The following TRAPPC13 variants were observed in gnomAD, a reference collection of about 807,000 sequenced individuals.
TRAPPC13 encodes the protein REV7-interacting novel NHEJ regulator 1.
TRAPPC13 carries 39 observed loss-of-function variants against 54.0 expected under a neutral mutation model. The ratio of observed to expected loss-of-function variants is 0.72; its 90% CI spans 0.56 to 0.94. The LOEUF (loss-of-function observed/expected upper bound fraction) is 0.94, where lower values mean the gene tolerates loss of function less well. Ranked by LOEUF, TRAPPC13 falls within the 40% of genes least tolerant of loss-of-function variation. The pLI is 0.00. For missense variants in TRAPPC13, 386 were observed against 488.1 expected (o/e 0.79, Z 1.97); for synonymous variants, 148 against 167.7 (o/e 0.88, Z 0.91).
rs1756998433 is a variant in TRAPPC13, at chr5:65,665,216, AT to A, written c.*608del. 6.6e-6 allele frequency: 1 copy of A among 152,308 alleles called. No individual in the cohort carries two copies. Among genetic ancestry groups the A allele is most frequent in the Non-Finnish European group, 1.5e-5 (1 of 68,144 alleles). The allele number at this position is 152,308 out of a possible 1,614,324, so 9.4% of individuals were successfully genotyped here. A position where few individuals can be genotyped will look rare whatever the true frequency, so the allele number is the denominator to read the frequency against. On this transcript the variant is annotated 3_prime_UTR_variant, in exon 13 of 13. Coordinates refer to ENST00000399438, the MANE Select transcript of TRAPPC13 (RefSeq NM_024941.4). ...CAAAAAAAAAGAGGCAGCTGGGCAG[AT>A]TTGGCCTGCAGGGTATAGTTGGCTG... is the stretch of plus-strand genomic sequence containing the variant.
At chr5:65,654,187 A>T (rs760059229) in intron 7 of TRAPPC13, among the ~76,000 whole-genome samples, 1 of 152,144 alleles carries the variant, frequency 6.6e-6, no homozygotes, top group Non-Finnish European at 1.5e-5. Context: ...TAGTTTTTCT[A>T]TAAACATTAT....
intron 1 of TRAPPC13, among the ~76,000 whole-genome samples, chr5:65,631,377 C>T (rs963021597): frequency 1.3e-5 from 2 of 151,824 alleles, no homozygotes; most frequent in African/African-American, 4.8e-5. Flanking sequence ...TTTTTTCTTT[C>T]TAACTTTTAT....
chr5:65,660,694 C>T lies in TRAPPC13; in HGVS notation c.699-5C>T. The T allele has an allele frequency of 6.3e-7, 1 of 1,586,776 alleles. No individual in the cohort carries two copies. Among genetic ancestry groups the T allele is most frequent in the Non-Finnish European group, 8.6e-7 (1 of 1,167,710 alleles). ...TTTCTCCGTCTCTGTCTCCACCCCTCTCAGTGTGTCTACGTTTGGGTCAAG... is the reference window on the plus strand; with the variant it reads ...TTTCTCCGTCTCTGTCTCCACCCCTTTCAGTGTGTCTACGTTTGGGTCAAG... On this transcript the variant is annotated splice_polypyrimidine_tract_variant and splice_region_variant and intron_variant, in intron 9 of 12. Transcript: ENST00000399438.
At chr5:65,653,588 C>A (rs1561774589) in intron 7 of TRAPPC13, among the ~76,000 whole-genome samples, 1 of 152,080 alleles carries the variant, frequency 6.6e-6, no homozygotes, top group Non-Finnish European at 1.5e-5. Context: ...GCTGCAAGAG[C>A]TCTCGGGAAT....
In TRAPPC13 at chr5:65,664,770, GATTTT is replaced by G. The variant is rs1432992734; in HGVS notation, c.*162_*166del. The G allele has an allele frequency of 3.2e-6, 2 of 616,308 alleles. No homozygotes were observed. Among genetic ancestry groups the G allele is most frequent in the Non-Finnish European group, 5.7e-6 (2 of 351,888 alleles). The allele number at this position is 616,308 out of a possible 1,614,324, so 38.2% of individuals were successfully genotyped here. ...TTAAATATTTGTTTTGAAGAGATCT[GATTTT>G]ATCTTGTAATTTATATTTGAAATGA... On this transcript the variant is annotated 3_prime_UTR_variant, in exon 13 of 13. Coordinates refer to ENST00000399438, the MANE Select transcript of TRAPPC13 (RefSeq NM_024941.4).
At chr5:65,657,521 G>A (rs573028938) in intron 8 of TRAPPC13, among the ~76,000 whole-genome samples, 10 of 152,234 alleles carry the variant, frequency 6.6e-5, no homozygotes, top group African/African-American at 1.7e-4. Context: ...ATGTAGGTTT[G>A]TTTCAAAGAT....
chr5:65,625,261 G>A, intron 1 of TRAPPC13, 155 bp downstream of exon 1: 1 of 668,956 alleles, frequency 1.5e-6, no homozygotes, highest in Non-Finnish European at 2.7e-6. Context: ...GATTTCTCCT[G>A]GATGCTTTTT....
Position 65,625,075 on chromosome 5 carries a change from C to T in TRAPPC13, c.15C>T (p.Pro5=), listed in dbSNP as rs774044527. 4.3e-6 allele frequency: 7 copies of T among 1,613,676 alleles called. No homozygotes were observed. The highest frequency in any genetic ancestry group is 1.7e-5 in the Admixed American group (1 of 59,986). The change falls in exon 1 of 13, where the codon CCC becomes CCT. Residue 5 remains proline (P), a synonymous_variant. Coordinates refer to ENST00000399438, the MANE Select transcript of TRAPPC13 (RefSeq NM_024941.4). Reference sequence around the variant, plus strand: ...TGCCGGTCAAAATGGAAGTGAATCCCCCTAAACAGGAGCACCTGCTGGCGC... The same window carrying T: ...TGCCGGTCAAAATGGAAGTGAATCCTCCTAAACAGGAGCACCTGCTGGCGC... MEVN[P]PKQEHLLALK...
chr5:65,636,322 A>G (rs976454767), intron 3 of TRAPPC13, among the ~76,000 whole-genome samples: 1 of 151,632 alleles, frequency 6.6e-6, no homozygotes, highest in African/African-American at 2.4e-5. Flanking sequence ...TTGTGTTTTT[A>G]TTGGAGACCG....
Position 65,665,766 on chromosome 5 carries a change from T to TAAAC in TRAPPC13, c.*1158_*1161dup, listed in dbSNP as rs1169169609. The TAAAC allele has an allele frequency of 6.6e-6, 1 of 152,488 alleles. No individual in the cohort carries two copies. The highest frequency in any genetic ancestry group is 2.4e-5 in the African/African-American group (1 of 41,452). The allele number at this position is 152,488 out of a possible 1,614,324, so 9.4% of individuals were successfully genotyped here. On this transcript the variant is annotated 3_prime_UTR_variant, in exon 13 of 13. Coordinates refer to ENST00000399438, the MANE Select transcript of TRAPPC13 (RefSeq NM_024941.4). ...CAAAGCAGTGAGAAAGTTGAGGTGATAAACAACTTTGCAGCATTAATGTAA... is the reference window on the plus strand; with the variant it reads ...CAAAGCAGTGAGAAAGTTGAGGTGATAAACAAACAACTTTGCAGCATTAATGTAA...
chr5:65,655,335 G>A (rs1396741929), intron 7 of TRAPPC13, among the ~76,000 whole-genome samples: 1 of 152,170 alleles, frequency 6.6e-6, no homozygotes, highest in African/African-American at 2.4e-5. Flanking sequence ...TATAGAACTA[G>A]AAAGTCATGG....
intron 1 of TRAPPC13, among the ~76,000 whole-genome samples, chr5:65,632,114 C>T (rs1486201915): frequency 6.6e-6 from 1 of 151,582 alleles, no homozygotes; most frequent in Non-Finnish European, 1.5e-5. Flanking sequence ...GGCATGGTGG[C>T]ATGCGACAGT....
At chr5:65,632,129 G>A (rs569319643) in intron 1 of TRAPPC13, among the ~76,000 whole-genome samples, 6 of 152,004 alleles carry the variant, frequency 3.9e-5, no homozygotes, top group African/African-American at 7.2e-5. Flanking sequence ...GACAGTAGTC[G>A]CAGCCTCTTG....
chr5:65,655,909 A>T (rs1049851921), intron 8 of TRAPPC13, among the ~76,000 whole-genome samples: 4 of 150,640 alleles, frequency 2.7e-5, no homozygotes, highest in Non-Finnish European at 5.9e-5. Flanking sequence ...TCTTCTTTAG[A>T]TTTTTTTTTT....
rs772180726 is a variant in TRAPPC13, at chr5:65,652,506, C to G, written c.507C>G (p.Leu169=). 2 of 1,606,818 alleles carry G rather than the reference C, an allele frequency of 1.2e-6. No individual in the cohort carries two copies. The highest frequency in any genetic ancestry group is 2.2e-5 in the East Asian group (1 of 44,684). Residue 169 remains leucine, a synonymous_variant, in exon 7 of 13, where the codon CTC becomes CTG. Coordinates refer to ENST00000399438, the MANE Select transcript of TRAPPC13 (RefSeq NM_024941.4). The part of the protein sequence containing the change: ...YFRKFFKFQV[L]KPLDVKTKFY... Reference sequence around the variant, plus strand: ...GATATGCTTTATTTAACCAGGTTCTCAAACCATTGGATGTGAAAACCAAAT... The same window carrying G: ...GATATGCTTTATTTAACCAGGTTCTGAAACCATTGGATGTGAAAACCAAAT...
At chr5:65,641,134 A>C (rs1028626835) in intron 4 of TRAPPC13, among the ~76,000 whole-genome samples, 1 of 151,958 alleles carries the variant, frequency 6.6e-6, no homozygotes, top group Non-Finnish European at 1.5e-5. Flanking sequence ...AGGTCTTGCT[A>C]TGTTGCTCAA....
Position 65,629,381 on chromosome 5 carries a change from T to C in TRAPPC13, c.46+4275T>C, listed in dbSNP as rs1299727916. 5 of 1,051,754 alleles carry C rather than the reference T, an allele frequency of 4.8e-6. No homozygotes were observed. In the South Asian group the frequency reaches 1.6e-4, roughly 33 times the overall value. 65.2% of individuals were successfully genotyped at this position (1,051,754 alleles called of 1,614,324 possible). A position where few individuals can be genotyped will look rare whatever the true frequency, so the allele number is the denominator to read the frequency against. The stretch of plus-strand genomic sequence containing the variant: ...TAAAATACCACATTGGGATTGGTTT[T>C]TGTTTTTTGTTTTTCCTTTTCTCCC... On this transcript the variant is annotated intron_variant, in intron 1 of 12. Coordinates refer to ENST00000399438, the MANE Select transcript of TRAPPC13 (RefSeq NM_024941.4).
rs539558232 is a variant in TRAPPC13, at chr5:65,649,931, A to T, written c.429-879A>T. Among the ~76,000 whole-genome samples, 157 of 146,794 alleles carry T rather than the reference A, an allele frequency of 1.1e-3. 2 individuals are homozygous for T. Among genetic ancestry groups the T allele is most frequent in the African/African-American group, 3.8e-3 (149 of 39,464 alleles). ...GAGTGCAGTGGCGCAATCTCAGCTC[A>T]CTGCAAGCTCTGCCTTCCGGGTTCA... On this transcript the variant is annotated intron_variant, in intron 5 of 12. Coordinates refer to ENST00000399438, the MANE Select transcript of TRAPPC13 (RefSeq NM_024941.4).
At position 65,647,071 on chromosome 5, in the gene TRAPPC13, G is replaced by T; in HGVS notation, c.317G>T (p.Ser106Ile). The T allele has an allele frequency of 2.0e-6, 3 of 1,537,492 alleles. No homozygotes were observed. The highest frequency in any genetic ancestry group is 1.8e-6 in the Non-Finnish European group (2 of 1,140,028). ...DILVKADLQT[S>I]SQRLNLSASN... ...TCTTTCAAGGCTGATCTTCAGACAA[G>T]TTCTCAGCGTTTAAATCTTTCAGCC... Residue 106 changes from serine to isoleucine, a missense_variant, in exon 5 of 13, where the codon AGT becomes ATT. By Grantham distance (142) the Ser-to-Ile change is moderately radical. Coordinates refer to ENST00000399438, the MANE Select transcript of TRAPPC13 (RefSeq NM_024941.4).
Sources: gnomAD v4.1 joint callset for allele counts (sites outside exome capture counted in the v4.1 genomes callset) on GRCh38, gnomAD v4.1.1 for gene constraint, MANE v1.5 for transcripts, NCBI Gene and HGNC (gene_info 2026-07-23, HGNC 2026-07-21) for gene names.